Variants in ACAD9 observed in about 807,000 individuals in gnomAD.
The protein encoded by ACAD9 is acyl-CoA dehydrogenase family member 9.
A neutral mutation model predicts 70.2 loss-of-function variants in ACAD9; 53 were observed. That is an observed-to-expected ratio of 0.75 (90% CI 0.61 to 0.95). ACAD9 has a LOEUF of 0.95. Among genes scored for constraint, ACAD9 ranks in the 40% least tolerant of loss-of-function variants. The pLI is 0.00. For missense variants in ACAD9, 777 were observed against 802.8 expected, an observed-to-expected ratio of 0.97 and a Z score of 0.39; for synonymous variants, 313 against 312.1, an observed-to-expected ratio of 1.00 and a Z score of -0.03.
chr3:128,894,710 T>A (rs1213705926), intron 3 of ACAD9, among the ~76,000 whole-genome samples: 2 of 151,806 alleles, frequency 1.3e-5, no homozygotes, highest in African/African-American at 4.8e-5. Flanking sequence ...GAATTTTTTT[T>A]ATTTTGTAGA....
At position 128,904,051 on chromosome 3, in the gene ACAD9, C is replaced by T. The variant is rs984704477; in HGVS notation, c.959-11C>T. On this transcript the variant is annotated splice_polypyrimidine_tract_variant and intron_variant, in intron 9 of 17. Transcript: ENST00000308982. ...ATTCCAGTTCATTCTAATAACTCTGCTCTTCCTCAGAAATGACTGCTGAGT... is the reference window on the plus strand; with the variant it reads ...ATTCCAGTTCATTCTAATAACTCTGTTCTTCCTCAGAAATGACTGCTGAGT... The T allele has an allele frequency of 1.2e-6, 2 of 1,613,792 alleles. No homozygotes were observed. The highest frequency in any genetic ancestry group is 1.7e-6 in the Non-Finnish European group (2 of 1,179,644).
intron 10 of ACAD9, 34 bp downstream of exon 10, chr3:128,904,166 C>CAAA: frequency 6.2e-7 from 1 of 1,607,376 alleles, no homozygotes; most frequent in Non-Finnish European, 8.5e-7. Flanking sequence ...TTGTGCATTT[C>CAAA]ACTGTGTGAC....
intron 16 of ACAD9, chr3:128,910,446 CTG>C (rs1161209879): frequency 9.5e-7 from 1 of 1,054,804 alleles, no homozygotes; most frequent in Non-Finnish European, 1.3e-6. Flanking sequence ...GGTGCAGTCT[CTG>C]AGGACCCACT....
chr3:128,898,745 C>G (rs1405361142), intron 6 of ACAD9, among the ~76,000 whole-genome samples: 1 of 152,194 alleles, frequency 6.6e-6, no homozygotes. Flanking sequence ...CTGATTGCCT[C>G]ATACCTTTTT....
chr3:128,907,945 A>G (rs748408026), intron 12 of ACAD9, among the ~76,000 whole-genome samples: 9 of 152,180 alleles, frequency 5.9e-5, no homozygotes, highest in Non-Finnish European at 1.2e-4. Context: ...GACACACGTG[A>G]GGCTGGTCAC....
In ACAD9 at chr3:128,899,360, G is replaced by T. The variant is rs746494284; in HGVS notation, c.707G>T (p.Gly236Val). Reference sequence around the variant, plus strand: ...AAGACTGAGGTCGTTGATTCTGATGGATCAGTGAAAGACAAAATCACAGCA... The same window carrying T: ...AAGACTGAGGTCGTTGATTCTGATGTATCAGTGAAAGACAAAATCACAGCA... ...FAKTEVVDSD[G>V]SVKDKITAFI... Residue 236 changes from glycine to valine, a missense_variant, in exon 7 of 18, where the codon GGA (glycine) becomes GTA (valine). Physicochemically the swap from Gly to Val is moderately radical, Grantham distance 109. Coordinates refer to ENST00000308982, the MANE Select transcript of ACAD9 (RefSeq NM_014049.5). The T allele has an allele frequency of 3.7e-6, 6 of 1,614,268 alleles. No homozygotes were observed. The Admixed American group carries it at 8.3e-5, about 22-fold the overall frequency.
rs139008397 is a variant in ACAD9, at chr3:128,904,556, C to T, written c.1149+51C>T. On this transcript the variant is annotated intron_variant, in intron 11 of 17. Coordinates refer to ENST00000308982, the MANE Select transcript of ACAD9 (RefSeq NM_014049.5). ...GGCGCTGGAGGGAGGCTTGGGAAAT[C>T]TCCCTCACTGTGACCTTTCAAGCCC... is the stretch of plus-strand genomic sequence containing the variant. 8.6e-4 allele frequency: 1,373 copies of T among 1,594,262 alleles called. 14 individuals carry two copies. In the African/African-American group the frequency reaches 0.017, roughly 19 times the overall value.
chr3:128,906,054 C>T, intron 11 of ACAD9, 67 bp from the exon 12 acceptor site: 1 of 1,611,708 alleles, frequency 6.2e-7, no homozygotes, highest in African/African-American at 1.3e-5. Context: ...CCCATGCCTC[C>T]CCAGCCACCC....
chr3:128,881,441 A>G (rs574264595), intron 1 of ACAD9, among the ~76,000 whole-genome samples: 1 of 152,318 alleles, frequency 6.6e-6, no homozygotes, highest in African/African-American at 2.4e-5. Flanking sequence ...TGCCGGTATT[A>G]TCTACATTCT....
chr3:128,886,950 C>T (rs923943996), intron 2 of ACAD9, among the ~76,000 whole-genome samples: 1 of 151,102 alleles, frequency 6.6e-6, no homozygotes, highest in African/African-American at 2.4e-5. Flanking sequence ...GTTTCTGAGA[C>T]AGTCTTGCTC....
At chr3:128,886,065 T>C (rs1935236884) in intron 2 of ACAD9, among the ~76,000 whole-genome samples, 1 of 150,728 alleles carries the variant, frequency 6.6e-6, no homozygotes, top group African/African-American at 2.4e-5. Context: ...AAATAATAAA[T>C]CCATTACATG....
chr3:128,907,647 C>A (rs1345623115), intron 12 of ACAD9, among the ~76,000 whole-genome samples: 5 of 152,232 alleles, frequency 3.3e-5, no homozygotes, highest in Admixed American at 2.0e-4. Flanking sequence ...GCACCTGACA[C>A]ACAGTACCAT....
At chr3:128,911,563 G>A (rs1266101420) in intron 17 of ACAD9, among the ~76,000 whole-genome samples, 3 of 152,068 alleles carry the variant, frequency 2.0e-5, no homozygotes, top group Non-Finnish European at 4.4e-5. Flanking sequence ...TCAGCCTCCT[G>A]AGTAGTTGGG....
In ACAD9 at chr3:128,879,723, C is replaced by T. The variant is rs757354007; in HGVS notation, c.32C>T (p.Thr11Met). 2.5e-6 allele frequency: 4 copies of T among 1,612,748 alleles called. No homozygotes were observed. The highest frequency in any genetic ancestry group is 3.4e-6 in the Non-Finnish European group (4 of 1,179,940). The change falls in exon 1 of 18, where the codon ACG (threonine) becomes ATG (methionine). Residue 11 changes from threonine to methionine, a missense_variant. By Grantham distance (81) the Thr-to-Met change is moderately conservative. Coordinates refer to ENST00000308982, the MANE Select transcript of ACAD9 (RefSeq NM_014049.5). Reference sequence around the variant, plus strand: ...GGCTGCGGGCTCTTCCTGCGCACCACGGCTGCGGCTCGTGCCTGCCGGGGT... The same window carrying T: ...GGCTGCGGGCTCTTCCTGCGCACCATGGCTGCGGCTCGTGCCTGCCGGGGT... Reference protein sequence around the residue: MSGCGLFLRTTAAARACRGLV... With the variant: MSGCGLFLRTMAAARACRGLV...
chr3:128,906,720 T>C (rs567704723), intron 12 of ACAD9, among the ~76,000 whole-genome samples: 1 of 152,278 alleles, frequency 6.6e-6, no homozygotes, highest in Non-Finnish European at 1.5e-5. Flanking sequence ...ACTGATCTGC[T>C]GGCACAAGGT....
intron 2 of ACAD9, among the ~76,000 whole-genome samples, chr3:128,887,644 A>AATATATATATATATATATATATATATAT (rs71153150): frequency 4.5e-5 from 6 of 133,100 alleles, no homozygotes; most frequent in African/African-American, 1.7e-4. Flanking sequence ...AAAATAAATA[A>AATATATATATATATATATATATATATAT]ATATATATAT....
At chr3:128,908,644 C>T in intron 13 of ACAD9, 3 of 536,404 alleles carry the variant, frequency 5.6e-6, no homozygotes, top group South Asian at 2.0e-5. Context: ...CTCCCCTCCA[C>T]CCCCACCCTA....
At chr3:128,903,519 G>T (rs1428634061) in intron 9 of ACAD9, among the ~76,000 whole-genome samples, 1 of 152,184 alleles carries the variant, frequency 6.6e-6, no homozygotes, top group African/African-American at 2.4e-5. Context: ...GCTATGGCGG[G>T]GCGGGGGTGC....
At chr3:128,886,751 A>G (rs1391002983) in intron 2 of ACAD9, among the ~76,000 whole-genome samples, 1 of 151,618 alleles carries the variant, frequency 6.6e-6, no homozygotes, top group South Asian at 2.1e-4. Flanking sequence ...AAAAAAAAAG[A>G]AAAAAATTGA....
Sources: allele counts gnomAD v4.1 joint callset (sites outside exome capture counted in the v4.1 genomes callset), GRCh38; gene constraint gnomAD v4.1.1; transcripts MANE v1.5; gene names NCBI Gene and HGNC (gene_info 2026-07-23, HGNC 2026-07-21).